The following PIP5K1C variants were observed in gnomAD, a reference collection of about 807,000 sequenced individuals.
The protein encoded by PIP5K1C is phosphatidylinositol-4-phosphate 5-kinase type 1 gamma.
Under a neutral mutation model 80.1 loss-of-function variants are expected in PIP5K1C, and 45 were observed. That is an observed-to-expected ratio of 0.56 (90% confidence interval 0.44 to 0.72). The LOEUF (loss-of-function observed/expected upper bound fraction) is 0.72. PIP5K1C is among the 30% of genes least tolerant of loss of function. PIP5K1C has a pLI of 0.00. For missense variants in PIP5K1C, 753 were observed against 954.6 expected, an observed-to-expected ratio of 0.79 and a Z score of 2.78; for synonymous variants, 498 against 420.1, an observed-to-expected ratio of 1.19 and a Z score of -2.27.
chr19:3,665,864 C>A (rs76387770), intron 2 of PIP5K1C, among the ~76,000 whole-genome samples: 11,602 of 152,158 alleles, frequency 0.076, 502 homozygotes, highest in South Asian at 0.1. Flanking sequence ...TTAAGGAGCG[C>A]CACTGCGTTT....
intron 12 of PIP5K1C, 91 bp from the exon 13 acceptor site, chr19:3,643,472 C>A: frequency 6.6e-7 from 1 of 1,521,924 alleles, no homozygotes. Context: ...ACCCTGGGAA[C>A]CCACAGCCCA....
intron 9 of PIP5K1C, 55 bp from the exon 10 acceptor site, chr19:3,647,441 C>A: frequency 6.7e-7 from 1 of 1,482,848 alleles, no homozygotes; most frequent in East Asian, 2.4e-5. Context: ...CATGCCAGGC[C>A]ACCTCACTCA....
chr19:3,678,016 T>TGGAGAGAC (rs1404118530), intron 1 of PIP5K1C, among the ~76,000 whole-genome samples: 1 of 61,614 alleles, frequency 1.6e-5, no homozygotes, highest in Admixed American at 1.6e-4. Flanking sequence ...GATGGAGGGA[T>TGGAGAGAC]GGAGAGACGG....
intron 1 of PIP5K1C, chr19:3,669,796 C>T (rs1468621752): frequency 1.3e-5 from 2 of 152,316 alleles, no homozygotes; most frequent in African/African-American, 4.8e-5. Context: ...AGAGGCTGCA[C>T]CCCGGTGACC....
In PIP5K1C at chr19:3,664,894, C is replaced by T. The variant is rs1371993316; in HGVS notation, c.147G>A (p.Gln49=). 1.2e-6 allele frequency: 2 copies of T among 1,613,016 alleles called. No individual in the cohort carries two copies. Among genetic ancestry groups the T allele is most frequent in the East Asian group, 4.5e-5 (2 of 44,888 alleles). Residue 49 remains glutamine (Q), a synonymous_variant, in exon 3 of 18, where the codon CAG becomes CAA. Transcript: ENST00000335312. ...APTEVLSMTA[Q]PGPGHGKKLG... Reference sequence around the variant, plus strand: ...ACTTCTTCCCATGGCCAGGGCCCGGCTGTGCCGTCATGGACAGAACCTGGG... The same window carrying T: ...ACTTCTTCCCATGGCCAGGGCCCGGTTGTGCCGTCATGGACAGAACCTGGG...
chr19:3,643,682 C>G (rs1053557176), intron 12 of PIP5K1C, among the ~76,000 whole-genome samples: 7 of 150,150 alleles, frequency 4.7e-5, no homozygotes, highest in South Asian at 2.2e-4. Context: ...TCCCCACCCC[C>G]CCTCCCTTCC....
At chr19:3,680,917 G>A (rs1030016684) in intron 1 of PIP5K1C, among the ~76,000 whole-genome samples, 2 of 152,140 alleles carry the variant, frequency 1.3e-5, no homozygotes, top group Non-Finnish European at 2.9e-5. Flanking sequence ...GACTAAGGGT[G>A]CTCCTGGCAT....
At chr19:3,645,873 T>G in intron 11 of PIP5K1C, 101 bp downstream of exon 11, 1 of 886,002 alleles carries the variant, frequency 1.1e-6, no homozygotes, top group Non-Finnish European at 1.9e-6. Context: ...TTTACTGCCC[T>G]GCCCAGGGGG....
At position 3,700,281 on chromosome 19, in the gene PIP5K1C, G is replaced by A. The variant is rs1410938983; in HGVS notation, c.94+16C>T. ...CGAGCCCAGCGGGCCGCAGCCCCGGGAGGCCGGGCCGTTACCTGCCGCCGC... is the reference window on the plus strand; with the variant it reads ...CGAGCCCAGCGGGCCGCAGCCCCGGAAGGCCGGGCCGTTACCTGCCGCCGC... On this transcript the variant is annotated intron_variant, in intron 1 of 17. Transcript: ENST00000335312. 3 of 1,240,204 alleles carry A rather than the reference G, an allele frequency of 2.4e-6. No individual in the cohort carries two copies. The highest frequency in any genetic ancestry group is 3.2e-5 in the African/African-American group (2 of 62,262). The allele number at this position is 1,240,204 out of a possible 1,614,324, so 76.8% of individuals were successfully genotyped here.
In PIP5K1C at chr19:3,692,647, G is replaced by A. The variant is rs1266973107; in HGVS notation, c.94+7650C>T. On this transcript the variant is annotated intron_variant, in intron 1 of 17. Coordinates refer to ENST00000335312, the MANE Select transcript of PIP5K1C (RefSeq NM_012398.3). This position sits in a 1 kb window ranked among gnomAD's most constrained non-coding sequence, Gnocchi z 5.2. ...CTCTGCCCTGGTTCCCCTAGCCCAC[G>A]TCCCGCCCTCACCCCATCTGTCCTC... Among the ~76,000 whole-genome samples, 1 of 151,800 alleles carries A rather than the reference G, an allele frequency of 6.6e-6. No individual in the cohort carries two copies. The highest frequency in any genetic ancestry group is 1.5e-5 in the Non-Finnish European group (1 of 67,954).
chr19:3,677,515 G>A (rs192715375), intron 1 of PIP5K1C, among the ~76,000 whole-genome samples: 19 of 151,082 alleles, frequency 1.3e-4, no homozygotes, highest in South Asian at 8.4e-4. Context: ...CCTGGGAGGC[G>A]GAGGTTGCAG....
intron 6 of PIP5K1C, 121 bp from the exon 7 acceptor site, chr19:3,653,710 C>CGAGGGCTTCTGGGG: frequency 1.1e-6 from 1 of 939,596 alleles, no homozygotes; most frequent in South Asian, 1.7e-5. Flanking sequence ...CCTCTCTCCC[C>CGAGGGCTTCTGGGG]AGAAGCCCTC....
rs547030150 is a variant in PIP5K1C, at chr19:3,691,770, C to A, written c.94+8527G>T. ...ACAGAAGCATAGAGCCTTTACTGCACTGGGGGTGACAGCACCTCCGTCAAC... is the reference window on the plus strand; with the variant it reads ...ACAGAAGCATAGAGCCTTTACTGCAATGGGGGTGACAGCACCTCCGTCAAC... On this transcript the variant is annotated intron_variant, in intron 1 of 17. Coordinates refer to ENST00000335312, the MANE Select transcript of PIP5K1C (RefSeq NM_012398.3). 8.7e-4 allele frequency among the ~76,000 whole-genome samples: 133 copies of A among 152,358 alleles called. 1 individual carries two copies. The highest frequency in any genetic ancestry group is 3.2e-3 in the African/African-American group (132 of 41,596).
chr19:3,661,681 T>C (rs1355773817), intron 4 of PIP5K1C, among the ~76,000 whole-genome samples, 190 bp downstream of exon 4: 2 of 152,248 alleles, frequency 1.3e-5, no homozygotes, highest in Non-Finnish European at 2.9e-5. Flanking sequence ...TTAAACTGCC[T>C]TTACATTGGG....
intron 4 of PIP5K1C, among the ~76,000 whole-genome samples, chr19:3,661,544 C>T (rs963564001): frequency 4.6e-5 from 7 of 152,220 alleles, no homozygotes; most frequent in Admixed American, 1.3e-4. Context: ...TTGAGGATGG[C>T]GGTGTGGGGT....
chr19:3,651,630 TGCACTCAGCCTGCGGCCC>T (rs1323927813), intron 8 of PIP5K1C, among the ~76,000 whole-genome samples, 178 bp downstream of exon 8: 5 of 152,206 alleles, frequency 3.3e-5, no homozygotes, highest in Admixed American at 6.5e-5. Flanking sequence ...CCCGGAACCC[TGCACTCAGCCTGCGGCCC>T]GCACTACGGC....
intron 12 of PIP5K1C, 39 bp downstream of exon 12, chr19:3,644,047 CT>C (rs1310627316): frequency 6.2e-7 from 1 of 1,606,190 alleles, no homozygotes; most frequent in Non-Finnish European, 8.5e-7. Flanking sequence ...CTGGCACCCC[CT>C]GTAGCGCCCA....
At chr19:3,651,054 C>CAT (rs1568324429) in intron 8 of PIP5K1C, among the ~76,000 whole-genome samples, 6 of 82,894 alleles carry the variant, frequency 7.2e-5, no homozygotes, top group Non-Finnish European at 9.7e-5. Flanking sequence ...CCGCGCCCAG[C>CAT]GTTTTTTTTT....
chr19:3,680,302 C>T (rs1416354190), intron 1 of PIP5K1C, among the ~76,000 whole-genome samples: 1 of 152,150 alleles, frequency 6.6e-6, no homozygotes, highest in Non-Finnish European at 1.5e-5. Flanking sequence ...CTAAATGCAA[C>T]TGTCTTTTCT....
Sources: allele counts gnomAD v4.1 joint callset (sites outside exome capture counted in the v4.1 genomes callset), GRCh38; gene constraint gnomAD v4.1.1; non-coding constraint Gnocchi (gnomAD v3.1); transcripts MANE v1.5; gene names NCBI Gene and HGNC (gene_info 2026-07-23, HGNC 2026-07-21).